Variants in AP2A2 observed in about 807,000 individuals in gnomAD.
AP2A2 encodes AP-2 complex subunit alpha-2.
AP2A2 carries 32 observed loss-of-function variants against 104.2 expected under a neutral mutation model. The ratio of observed to expected loss-of-function variants is 0.31; its 90% CI spans 0.23 to 0.41. AP2A2 has a LOEUF of 0.41. AP2A2 is among the 10% of genes least tolerant of loss of function. The pLI, the probability that AP2A2 is intolerant of heterozygous loss-of-function variation, is 1.00. For synonymous variants in AP2A2, 539 were observed against 533.3 expected (o/e 1.01, Z -0.15); for missense variants, 912 against 1,261.0 (o/e 0.72, Z 4.19).
chr11:1,006,694 T>C (rs971211332), intron 17 of AP2A2, 77 bp downstream of exon 17: 4 of 1,183,146 alleles, frequency 3.4e-6, no homozygotes, highest in Middle Eastern at 2.0e-4. Context: ...GGAAGTTTTT[T>C]GGTTTTCTTA....
chr11:990,069 C>T (rs1366896686), intron 10 of AP2A2, among the ~76,000 whole-genome samples: 12 of 152,066 alleles, frequency 7.9e-5, no homozygotes, highest in African/African-American at 9.7e-5. Flanking sequence ...TTTTAGTGAA[C>T]GGAGGAGCCC....
chr11:926,161 G>C, intron 1 of AP2A2, 73 bp downstream of exon 1: 1 of 1,081,832 alleles, frequency 9.2e-7, no homozygotes, highest in Non-Finnish European at 1.2e-6. Flanking sequence ...CGGAGGCCCG[G>C]GGCGGGGCCT....
intron 2 of AP2A2, among the ~76,000 whole-genome samples, chr11:965,799 G>A: frequency 6.6e-6 from 1 of 152,332 alleles, no homozygotes; most frequent in South Asian, 2.1e-4. Flanking sequence ...TAAGCCTTTA[G>A]AAAACAACTG....
chr11:985,683 A>G, intron 8 of AP2A2, 101 bp downstream of exon 8: 4 of 1,512,334 alleles, frequency 2.6e-6, no homozygotes, highest in South Asian at 1.2e-5. Context: ...TGTCCACTCC[A>G]TGGGCCTCCC....
rs938747184 is a variant in AP2A2 at position 925,956 on chromosome 11, C to A, written c.-66C>A. ...CGGCGGTGACGGCGACCGCACTCCC[C>A]GCTTCCCGCTCCCCGCGCTCCTCCG... On this transcript the variant is annotated 5_prime_UTR_variant, in exon 1 of 22. Transcript: ENST00000448903. 5 of 1,274,408 alleles carry A rather than the reference C, an allele frequency of 3.9e-6. No individual in the cohort carries two copies. The highest frequency in any genetic ancestry group is 3.6e-5 in the South Asian group (2 of 56,046). The allele number at this position is 1,274,408 out of a possible 1,614,324, so 78.9% of individuals were successfully genotyped here. A position where few individuals can be genotyped will look rare whatever the true frequency, so the allele number is the denominator to read the frequency against.
chr11:1,009,371 A>G lies in AP2A2; in HGVS notation c.2581A>G (p.Met861Val), dbSNP rs1164336987. Residue 861 changes from methionine to valine, a missense_variant, in exon 20 of 22, where the codon ATG becomes GTG. Coordinates refer to ENST00000448903, the MANE Select transcript of AP2A2 (RefSeq NM_012305.4). ...VQNIFKAKHP[M>V]DTEVTKAKII... is the part of the protein sequence containing the mutation. ...GAACATCTTCAAAGCAAAGCACCCA[A>G]TGGACACAGAAGTCACCAAAGCCAA... 9 of 1,613,592 alleles carry G rather than the reference A, an allele frequency of 5.6e-6. No individual in the cohort carries two copies. Among genetic ancestry groups the G allele is most frequent in the South Asian group, 4.4e-5 (4 of 91,082 alleles).
At chr11:944,152 A>G (rs1853753817) in intron 1 of AP2A2, among the ~76,000 whole-genome samples, 1 of 152,174 alleles carries the variant, frequency 6.6e-6, no homozygotes, top group Admixed American at 6.6e-5. Flanking sequence ...GACAGGATGG[A>G]TGTGATGGGG....
At chr11:999,287 G>T (rs1377899145) in intron 14 of AP2A2, among the ~76,000 whole-genome samples, 2 of 152,156 alleles carry the variant, frequency 1.3e-5, no homozygotes, top group African/African-American at 2.4e-5. Flanking sequence ...CGAGGTGAAC[G>T]TATCACCTGA....
At chr11:983,272 G>A (rs1246177870) in intron 6 of AP2A2, among the ~76,000 whole-genome samples, 3 of 151,860 alleles carry the variant, frequency 2.0e-5, no homozygotes, top group African/African-American at 7.3e-5. Flanking sequence ...GATTGCACCT[G>A]CCTTGGCCTC....
chr11:981,332 G>T (rs368504980), intron 6 of AP2A2, 33 bp downstream of exon 6: 1 of 1,511,230 alleles, frequency 6.6e-7, no homozygotes, highest in South Asian at 1.2e-5. Flanking sequence ...AGAAGTCAGG[G>T]TGGGTTTTGT....
intron 2 of AP2A2, among the ~76,000 whole-genome samples, chr11:963,539 C>T (rs1192269777): frequency 2.0e-5 from 3 of 152,216 alleles, no homozygotes; most frequent in East Asian, 1.9e-4. Flanking sequence ...GGCTGTTTCA[C>T]TTGCTCACTG....
chr11:957,496 C>A (rs1452281408), intron 1 of AP2A2, among the ~76,000 whole-genome samples: 2 of 152,168 alleles, frequency 1.3e-5, no homozygotes, highest in Admixed American at 6.5e-5. Context: ...CACAGTCAGA[C>A]AAGGTAGGTC....
chr11:976,991 G>A (rs1403319684), intron 4 of AP2A2, 104 bp from the exon 5 acceptor site: 7 of 1,514,364 alleles, frequency 4.6e-6, no homozygotes, highest in Admixed American at 3.8e-5. Context: ...TGGCCCCTGC[G>A]CCAGCCCCAC....
chr11:993,166 G>C lies in AP2A2; in HGVS notation c.1453-118G>C. ...AGGCAGGGATGGGCACTTGGACTGG[G>C]GTCTCCAGGAAGCTGAGGGGCTGGT... On this transcript the variant is annotated intron_variant, in intron 11 of 21. Transcript: ENST00000448903. The surrounding 1 kb of genome is among the most constrained non-coding windows in gnomAD (Gnocchi z 8.2). 1.4e-6 allele frequency: 1 copy of C among 727,962 alleles called. No individual in the cohort carries two copies. The highest frequency in any genetic ancestry group is 2.2e-6 in the Non-Finnish European group (1 of 457,136). The allele number at this position is 727,962 out of a possible 1,614,324, so 45.1% of individuals were successfully genotyped here.
chr11:984,540 T>C, intron 6 of AP2A2, 105 bp from the exon 7 acceptor site: 1 of 975,482 alleles, frequency 1.0e-6, no homozygotes, highest in South Asian at 1.4e-5. Flanking sequence ...AAAACCATTT[T>C]TCCAGCTCAG....
chr11:944,137 A>C (rs572077484), intron 1 of AP2A2, among the ~76,000 whole-genome samples: 11 of 152,304 alleles, frequency 7.2e-5, no homozygotes, highest in South Asian at 2.1e-4. Flanking sequence ...AAAAGCGGAC[A>C]GGTCGACAGG....
chr11:925,888 C>T lies in AP2A2; in HGVS notation c.-134C>T. On this transcript the variant is annotated 5_prime_UTR_variant, in exon 1 of 22. Coordinates refer to ENST00000448903, the MANE Select transcript of AP2A2 (RefSeq NM_012305.4). ...GCGGCCCAGAAAGCGGCGCTGGGAC[C>T]CTGAGGCGGCCGTGGTTAGGCGGCT... The T allele has an allele frequency of 6.9e-6, 4 of 583,320 alleles. No individual in the cohort carries two copies. The highest frequency in any genetic ancestry group is 9.9e-5 in the South Asian group (2 of 20,196). The allele number at this position is 583,320 out of a possible 1,614,324, so 36.1% of individuals were successfully genotyped here.
intron 3 of AP2A2, among the ~76,000 whole-genome samples, chr11:971,461 C>T (rs1007021544): frequency 5.3e-5 from 8 of 152,170 alleles, no homozygotes; most frequent in East Asian, 1.9e-4. Flanking sequence ...CATCTTTAAC[C>T]GGGGTGCTCA....
At chr11:933,685 C>T in intron 1 of AP2A2, 1 of 455,710 alleles carries the variant, frequency 2.2e-6, no homozygotes, top group Non-Finnish European at 4.4e-6. Flanking sequence ...AGTGAGATGC[C>T]CAGCACCAGG....
Sources: gnomAD v4.1 joint callset for allele counts (sites outside exome capture counted in the v4.1 genomes callset) on GRCh38, gnomAD v4.1.1 for gene constraint, Gnocchi (gnomAD v3.1) non-coding constraint, MANE v1.5 for transcripts, NCBI Gene and HGNC (gene_info 2026-07-23, HGNC 2026-07-21) for gene names.